SHC4: variants seen among roughly 807,000 people sequenced by gnomAD.
SHC4 encodes SHC-transforming protein 4.
Under a neutral mutation model 69.4 loss-of-function variants are expected in SHC4, and 41 were observed. The observed-to-expected ratio is 0.59, with a 90% CI of 0.46 to 0.77. SHC4 has a LOEUF of 0.77. SHC4 is among the 30% of genes least tolerant of loss of function. The pLI, the probability that SHC4 is intolerant of heterozygous loss-of-function variation, is 0.00. For synonymous variants in SHC4, 318 were observed against 299.3 expected, an observed-to-expected ratio of 1.06 and a Z score of -0.64; for missense variants, 777 against 783.8, an observed-to-expected ratio of 0.99 and a Z score of 0.10.
chr15:48,847,757 C>T (rs370242672), intron 9 of SHC4, among the ~76,000 whole-genome samples: 1 of 152,046 alleles, frequency 6.6e-6, no homozygotes, highest in Non-Finnish European at 1.5e-5. Flanking sequence ...AATCCCAGCA[C>T]TTTGGGAGGC....
chr15:48,952,107 G>C (rs1901374508), intron 1 of SHC4, among the ~76,000 whole-genome samples: 1 of 152,204 alleles, frequency 6.6e-6, no homozygotes, highest in African/African-American at 2.4e-5. Flanking sequence ...ACCAAGCTGA[G>C]AGGGATGTGG....
chr15:48,886,585 C>A (rs1051931506), intron 3 of SHC4, among the ~76,000 whole-genome samples: 3 of 152,086 alleles, frequency 2.0e-5, no homozygotes, highest in African/African-American at 7.2e-5. Flanking sequence ...ACTCCGGAAC[C>A]CCCTCAATGT....
At chr15:48,831,095 T>C (rs1898791290) in intron 11 of SHC4, among the ~76,000 whole-genome samples, 1 of 152,016 alleles carries the variant, frequency 6.6e-6, no homozygotes, top group African/African-American at 2.4e-5. Flanking sequence ...AAAAACCATA[T>C]AGAATAAGGA....
At chr15:48,910,992 T>C (rs142455311) in intron 2 of SHC4, among the ~76,000 whole-genome samples, 60 of 152,356 alleles carry the variant, frequency 3.9e-4, no homozygotes, top group African/African-American at 1.4e-3. Flanking sequence ...TATCTCATGG[T>C]CTATCTTGGA....
intron 1 of SHC4, among the ~76,000 whole-genome samples, chr15:48,954,909 A>C (rs536673685): frequency 6.0e-4 from 91 of 152,282 alleles, no homozygotes; most frequent in African/African-American, 1.9e-3. Flanking sequence ...AGGCTTATCA[A>C]GTTTTAGTTT....
intron 9 of SHC4, among the ~76,000 whole-genome samples, chr15:48,844,384 A>T (rs1441866716): frequency 6.6e-6 from 1 of 152,116 alleles, no homozygotes; most frequent in East Asian, 1.9e-4. Flanking sequence ...TGCTCTGTCT[A>T]CCCAGCTACC....
rs1899306947 is a variant in SHC4, at chr15:48,856,060, G to C, written c.1135C>G (p.Pro379Ala). ...CCACCTACTGGTGGCTGCTTCCCTG[G>C]AATTTCATTGTAATATTCATGATCT... ...REDHEYYNEI[P>A]GKQPPVGGVS... Residue 379 changes from proline to alanine, a missense_variant, in exon 8 of 12, where the codon CCA (proline) becomes GCA (alanine). Physicochemically the swap from Pro to Ala is conservative, Grantham distance 27 (BLOSUM62 -1). Coordinates refer to ENST00000332408, the MANE Select transcript of SHC4 (RefSeq NM_203349.4). The C allele has an allele frequency of 1.2e-6, 2 of 1,613,816 alleles. No individual in the cohort carries two copies. Among genetic ancestry groups the C allele is most frequent in the Non-Finnish European group, 1.7e-6 (2 of 1,179,838 alleles).
intron 9 of SHC4, among the ~76,000 whole-genome samples, chr15:48,845,394 C>T (rs957317477): frequency 1.3e-5 from 2 of 152,172 alleles, no homozygotes; most frequent in African/African-American, 2.4e-5. Flanking sequence ...TCCTAAAACA[C>T]GAGTGAGGTT....
At position 48,963,679 on chromosome 15, in the gene SHC4, G is replaced by A. The variant is rs1157010896; in HGVS notation, c.-664C>T. Among the ~76,000 whole-genome samples, 1 of 152,162 alleles carries A rather than the reference G, an allele frequency of 6.6e-6. No individual in the cohort carries two copies. Among genetic ancestry groups the A allele is most frequent in the Admixed American group, 6.5e-5 (1 of 15,286 alleles). On this transcript the variant is annotated 5_prime_UTR_variant, in exon 1 of 12. Transcript: ENST00000332408. ...CCAGCCAGGAGTACTACTGACGGGCGCTGCTCCGCATTGTTTCACTGACTT... is the reference window on the plus strand; with the variant it reads ...CCAGCCAGGAGTACTACTGACGGGCACTGCTCCGCATTGTTTCACTGACTT...
chr15:48,855,896 C>A lies in SHC4; in HGVS notation c.1242+57G>T, dbSNP rs1023117836. ...TTTGGAAATCCTCAAAGTAAATGCTCTAGTGATAAGGGCAGAATTGCATTG... is the reference window on the plus strand; with the variant it reads ...TTTGGAAATCCTCAAAGTAAATGCTATAGTGATAAGGGCAGAATTGCATTG... On this transcript the variant is annotated intron_variant, in intron 8 of 11. Transcript: ENST00000332408. 7 of 1,518,422 alleles carry A rather than the reference C, an allele frequency of 4.6e-6. No homozygotes were observed. The African/African-American group carries it at 9.7e-5, about 21-fold the overall frequency. The allele number at this position is 1,518,422 out of a possible 1,614,324, so 94.1% of individuals were successfully genotyped here.
intron 6 of SHC4, among the ~76,000 whole-genome samples, chr15:48,862,942 T>C (rs2140987642): frequency 6.6e-6 from 1 of 151,994 alleles, no homozygotes; most frequent in African/African-American, 2.4e-5. Context: ...TGCTAAGAAG[T>C]TGCAGTTTTT....
At chr15:48,827,558 T>TCCATTCTGCCG (rs1898712185) in intron 11 of SHC4, among the ~76,000 whole-genome samples, 1 of 152,002 alleles carries the variant, frequency 6.6e-6, no homozygotes, top group Non-Finnish European at 1.5e-5. Flanking sequence ...TTCTTCTGCC[T>TCCATTCTGCCG]CAGGCTGTCA....
intron 11 of SHC4, among the ~76,000 whole-genome samples, chr15:48,827,690 A>T (rs1898714692): frequency 6.6e-6 from 1 of 152,092 alleles, no homozygotes; most frequent in Non-Finnish European, 1.5e-5. Flanking sequence ...TAAGCAGGCC[A>T]CTCTGGCTGA....
At chr15:48,917,918 G>A (rs1191623002) in intron 2 of SHC4, among the ~76,000 whole-genome samples, 1 of 152,104 alleles carries the variant, frequency 6.6e-6, no homozygotes, top group African/African-American at 2.4e-5. Context: ...CTTAATCATG[G>A]CTCCTCCTTT....
chr15:48,953,094 G>C (rs980296863), intron 1 of SHC4, among the ~76,000 whole-genome samples: 5 of 152,174 alleles, frequency 3.3e-5, no homozygotes, highest in Admixed American at 6.5e-5. Context: ...CCATAAAAAC[G>C]AATGAGATCA....
intron 4 of SHC4, among the ~76,000 whole-genome samples, chr15:48,881,044 GAA>G (rs1297216254): frequency 2.6e-5 from 4 of 151,338 alleles, no homozygotes; most frequent in Non-Finnish European, 5.9e-5. Context: ...GGAAGCTAGA[GAA>G]AGGAGTTCTG....
rs145471021 is a variant in SHC4 at position 48,869,347 on chromosome 15, G to T, written c.895-1478C>A. 9.4e-3 allele frequency among the ~76,000 whole-genome samples: 1,425 copies of T among 152,232 alleles called. 29 individuals are homozygous for T. The highest frequency in any genetic ancestry group is 0.033 in the African/African-American group (1,352 of 41,552). On this transcript the variant is annotated intron_variant, in intron 5 of 11. Coordinates refer to ENST00000332408, the MANE Select transcript of SHC4 (RefSeq NM_203349.4). ...GATGAGAAGGCTATTCATTATTTTT[G>T]AAATTTTGGAGGAAATCTTGTAGAA...
At chr15:48,917,094 C>T (rs1231494100) in intron 2 of SHC4, among the ~76,000 whole-genome samples, 1 of 152,140 alleles carries the variant, frequency 6.6e-6, no homozygotes, top group Admixed American at 6.5e-5. Flanking sequence ...TGTGTCTATT[C>T]CTCCTTCAGC....
intron 2 of SHC4, among the ~76,000 whole-genome samples, chr15:48,891,932 G>A (rs1180676685): frequency 6.6e-6 from 1 of 152,136 alleles, no homozygotes; most frequent in Non-Finnish European, 1.5e-5. Context: ...TCAGCTCACT[G>A]CAAGCTCCGC....
Sources: allele counts gnomAD v4.1 joint callset (sites outside exome capture counted in the v4.1 genomes callset), GRCh38; gene constraint gnomAD v4.1.1; transcripts MANE v1.5; gene names NCBI Gene and HGNC (gene_info 2026-07-23, HGNC 2026-07-21).